The following DMD variants were observed in gnomAD, a reference collection of about 807,000 sequenced individuals.
DMD encodes dystrophin, also known as mutant dystrophin.
A neutral mutation model predicts 330.1 loss-of-function variants in DMD; 63 were observed. The observed-to-expected ratio is 0.19, with a 90% CI of 0.16 to 0.24. DMD has a LOEUF of 0.24. Ranked by LOEUF, DMD falls within the 10% of genes least tolerant of loss-of-function variation. The pLI, the probability that DMD is intolerant of heterozygous loss-of-function variation, is 1.00. For missense variants in DMD, 3,344 were observed against 2,684.1 expected, an observed-to-expected ratio of 1.25 and a Z score of -5.43; for synonymous variants, 1,223 against 959.8, an observed-to-expected ratio of 1.27 and a Z score of -5.07.
intron 7 of DMD, among the ~76,000 whole-genome samples, chrX:32,716,170 A>G (rs1451209288): frequency 9.0e-6 from 1 of 111,488 alleles, no homozygotes; most frequent in African/African-American, 3.3e-5. Flanking sequence ...TCATTCTAGC[A>G]TATTGATATG....
chrX:32,735,433 A>G (rs182112129), intron 7 of DMD, among the ~76,000 whole-genome samples: 2 of 110,798 alleles, frequency 1.8e-5, no homozygotes, highest in Admixed American at 1.9e-4. Flanking sequence ...TTGATATGGA[A>G]CCAAAAAAGA....
At chrX:32,253,373 A>G (rs890031008) in intron 43 of DMD, among the ~76,000 whole-genome samples, 6 of 110,792 alleles carry the variant, frequency 5.4e-5, no homozygotes, top group South Asian at 7.6e-4. Context: ...GTGCCAAAAA[A>G]TACTGTGTGC....
chrX:31,602,203 A>C (rs889436835), intron 55 of DMD, among the ~76,000 whole-genome samples: 21 of 111,142 alleles, frequency 1.9e-4, no homozygotes, highest in Non-Finnish European at 3.2e-4. Flanking sequence ...CCCATAATGC[A>C]AGGTGCTTCC....
chrX:31,627,752 T>C lies in DMD; in HGVS notation c.8138A>G (p.Asn2713Ser), dbSNP rs758633794. ...AWLTEAETTA[N>S]VLQDATRKER... Reference sequence around the variant, plus strand: ...CTTACGGGTAGCATCCTGTAGGACATTGGCAGTTGTTTCAGCTTCTGTAAG... The same window carrying C: ...CTTACGGGTAGCATCCTGTAGGACACTGGCAGTTGTTTCAGCTTCTGTAAG... Residue 2713 changes from asparagine (N) to serine (S), a missense_variant, in exon 55 of 79, where the codon AAT becomes AGT. Asn to Ser is a conservative substitution (Grantham distance 46, BLOSUM62 1). Transcript: ENST00000357033. 1.2e-4 allele frequency: 141 copies of C among 1,209,525 alleles called. No individual in the cohort carries two copies. The highest frequency in any genetic ancestry group is 4.5e-4 in the African/African-American group (26 of 57,217).
chrX:32,719,690 T>C (rs746258508), intron 7 of DMD, among the ~76,000 whole-genome samples: 11 of 111,698 alleles, frequency 9.8e-5, no homozygotes, highest in Non-Finnish European at 1.7e-4. Flanking sequence ...TGTGTTCTTA[T>C]TTAAGTTATT....
At position 32,313,338 on chromosome X, in the gene DMD, G is replaced by A. The variant is rs1219862089; in HGVS notation, c.5923-3062C>T. ...CTCAATAGATGCAGAAAAGGTCTTG[G>A]ATAAATTCAACACCCTTTCATGTTA... is the stretch of plus-strand genomic sequence containing the variant. On this transcript the variant is annotated intron_variant, in intron 41 of 78. Transcript: ENST00000357033. Among the ~76,000 whole-genome samples the A allele has an allele frequency of 2.9e-4, 32 of 111,145 alleles. No individual in the cohort carries two copies. In the Admixed American group the frequency reaches 3.1e-3, roughly 11 times the overall value.
chrX:32,736,507 G>A (rs1406719128), intron 7 of DMD, among the ~76,000 whole-genome samples: 2 of 110,241 alleles, frequency 1.8e-5, no homozygotes, highest in East Asian at 5.6e-4. Flanking sequence ...CAAAGACTTG[G>A]AACCAACCCA....
At chrX:31,714,234 ATAT>A (rs2148926904) in intron 52 of DMD, among the ~76,000 whole-genome samples, 1 of 111,515 alleles carries the variant, frequency 9.0e-6, no homozygotes, top group East Asian at 2.8e-4. Flanking sequence ...CTCACAACTT[ATAT>A]GAGAGATAAA....
chrX:32,707,005 T>C (rs925734110), intron 7 of DMD, among the ~76,000 whole-genome samples: 6 of 109,972 alleles, frequency 5.5e-5, no homozygotes, highest in African/African-American at 2.0e-4. Flanking sequence ...GGCAGGAGAA[T>C]TGCTTGAACC....
At chrX:31,901,739 A>T (rs945946607) in intron 47 of DMD, among the ~76,000 whole-genome samples, 1 of 111,558 alleles carries the variant, frequency 9.0e-6, no homozygotes, top group African/African-American at 3.3e-5. Flanking sequence ...GCCCTCTATT[A>T]TATTACTAAT....
At chrX:31,142,184 A>C (rs73617048) in intron 76 of DMD, among the ~76,000 whole-genome samples, 1,485 of 112,075 alleles carry the variant, frequency 0.013, 23 homozygotes, top group African/African-American at 0.046. Context: ...TAAATTCTAC[A>C]TTATATAACA....
intron 67 of DMD, among the ~76,000 whole-genome samples, chrX:31,188,055 C>T (rs186086349): frequency 2.2e-3 from 242 of 112,209 alleles, no homozygotes; most frequent in Non-Finnish European, 4.0e-3. Context: ...TTCTTCTATG[C>T]TTAAAGGTTG....
At chrX:32,533,917 G>A (rs1229134749) in intron 17 of DMD, among the ~76,000 whole-genome samples, 6 of 111,339 alleles carry the variant, frequency 5.4e-5, no homozygotes, top group Non-Finnish European at 7.5e-5. Context: ...CTTCCAACCC[G>A]GGTTCCAAAA....
At chrX:32,163,733 T>C (rs1341421360) in intron 44 of DMD, among the ~76,000 whole-genome samples, 3 of 111,636 alleles carry the variant, frequency 2.7e-5, no homozygotes, top group Non-Finnish European at 1.9e-5. Flanking sequence ...CTATGTAAGA[T>C]GTGAGATCTG....
At chrX:32,055,165 C>T (rs907860487) in intron 44 of DMD, among the ~76,000 whole-genome samples, 1 of 111,031 alleles carries the variant, frequency 9.0e-6, no homozygotes, top group African/African-American at 3.3e-5. Context: ...ACGAAAATCT[C>T]GTCCCTTATA....
chrX:31,857,380 G>GGAAAAA (rs1448687044), intron 48 of DMD, among the ~76,000 whole-genome samples: 5 of 36,771 alleles, frequency 1.4e-4, no homozygotes, highest in African/African-American at 5.8e-4. Flanking sequence ...CTCCACCTCG[G>GGAAAAA]AAAAAAAAAA....
At chrX:31,590,396 G>A (rs1162122676) in intron 55 of DMD, among the ~76,000 whole-genome samples, 1 of 111,177 alleles carries the variant, frequency 9.0e-6, no homozygotes, top group Non-Finnish European at 1.9e-5. Flanking sequence ...AAGGTAGGTA[G>A]GTTTGCCTAA....
intron 2 of DMD, among the ~76,000 whole-genome samples, chrX:32,933,575 A>G (rs751050926): frequency 8.9e-6 from 1 of 112,164 alleles, no homozygotes; most frequent in East Asian, 2.8e-4. Flanking sequence ...TGAATGGTGC[A>G]GGCTTCAAGG....
intron 33 of DMD, among the ~76,000 whole-genome samples, chrX:32,386,086 A>T (rs1271410023): frequency 9.1e-6 from 1 of 110,432 alleles, no homozygotes; most frequent in African/African-American, 3.3e-5. Context: ...ATTGTTTCTT[A>T]ATGAGAATTC....
Sources: gnomAD v4.1 joint callset for allele counts (sites outside exome capture counted in the v4.1 genomes callset) on GRCh38, gnomAD v4.1.1 for gene constraint, MANE v1.5 for transcripts, NCBI Gene and HGNC (gene_info 2026-07-23, HGNC 2026-07-21) for gene names.